TINAG: variants seen among roughly 807,000 people sequenced by gnomAD.
TINAG encodes tubulointerstitial nephritis antigen.
A neutral mutation model predicts 72.7 loss-of-function variants in TINAG; 83 were observed. That is an observed-to-expected ratio of 1.14 (90% CI 0.96 to 1.37). The LOEUF is 1.37. TINAG is among the 40% of genes most tolerant of loss of function. The probability of loss-of-function intolerance (pLI) is 0.00; values close to 1 mark genes in which losing one functional copy is unlikely to be tolerated. For synonymous variants in TINAG, 234 were observed against 189.9 expected (o/e 1.23, Z -1.91); for missense variants, 685 against 576.6 (o/e 1.19, Z -1.93).
intron 4 of TINAG, among the ~76,000 whole-genome samples, chr6:54,342,906 T>A (rs530903242): frequency 6.6e-6 from 1 of 152,320 alleles, no homozygotes; most frequent in East Asian, 1.9e-4. Context: ...AATAACACCA[T>A]GTGGTCTTCC....
At chr6:54,363,630 A>AC (rs1303144109) in intron 9 of TINAG, among the ~76,000 whole-genome samples, 2 of 150,686 alleles carry the variant, frequency 1.3e-5, no homozygotes, top group African/African-American at 2.5e-5. Context: ...AAAAAAAAAA[A>AC]AAAAACAGGC....
intron 9 of TINAG, among the ~76,000 whole-genome samples, chr6:54,359,703 A>G (rs1763163335): frequency 2.6e-5 from 4 of 151,974 alleles, no homozygotes; most frequent in African/African-American, 7.2e-5. Context: ...TAGTAGGCAA[A>G]TTAGTTTTGG....
intron 9 of TINAG, among the ~76,000 whole-genome samples, chr6:54,355,816 T>C (rs1393266896): frequency 6.6e-6 from 1 of 150,408 alleles, no homozygotes; most frequent in Non-Finnish European, 1.5e-5. Context: ...TTAATGAATC[T>C]CCTAGATATA....
intron 9 of TINAG, among the ~76,000 whole-genome samples, chr6:54,356,047 G>A (rs1021596254): frequency 2.6e-5 from 4 of 151,608 alleles, no homozygotes; most frequent in African/African-American, 9.7e-5. Flanking sequence ...ATTTTAATAG[G>A]GTTATAAAAC....
chr6:54,373,739 C>T (rs946064796), intron 9 of TINAG, among the ~76,000 whole-genome samples: 3 of 152,058 alleles, frequency 2.0e-5, no homozygotes, highest in Non-Finnish European at 4.4e-5. Context: ...TAGATTTTGC[C>T]TGTAAACCAT....
intron 3 of TINAG, among the ~76,000 whole-genome samples, chr6:54,323,790 C>T (rs1352977529): frequency 1.3e-5 from 2 of 152,032 alleles, no homozygotes; most frequent in African/African-American, 4.8e-5. Context: ...CCCATCTCTA[C>T]CAGAAATACA....
chr6:54,336,913 G>C (rs1202303212), intron 4 of TINAG, among the ~76,000 whole-genome samples: 1 of 151,656 alleles, frequency 6.6e-6, no homozygotes, highest in African/African-American at 2.4e-5. Context: ...TCCTTTCTCG[G>C]TCATCCAATA....
chr6:54,311,892 A>G (rs1784267375), intron 1 of TINAG, among the ~76,000 whole-genome samples: 1 of 152,334 alleles, frequency 6.6e-6, no homozygotes, highest in South Asian at 2.1e-4. Context: ...AAGATAGCTG[A>G]ACTCTGTAAT....
intron 4 of TINAG, among the ~76,000 whole-genome samples, chr6:54,330,730 G>C (rs747503918): frequency 6.6e-6 from 1 of 152,136 alleles, no homozygotes; most frequent in African/African-American, 2.4e-5. Context: ...AAGAAGAAAA[G>C]AGAGAAGAAC....
Position 54,361,369 on chromosome 6 carries a change from A to G in TINAG, c.1250+6733A>G, listed in dbSNP as rs13203528. Reference sequence around the variant, plus strand: ...TAGTTCCACAGGCTGTGCAGGAGGTATGACTGGAGAGGTTTCAGGAAACTT... The same window carrying G: ...TAGTTCCACAGGCTGTGCAGGAGGTGTGACTGGAGAGGTTTCAGGAAACTT... On this transcript the variant is annotated intron_variant, in intron 9 of 10. Transcript: ENST00000259782. 9.6e-3 allele frequency among the ~76,000 whole-genome samples: 1,459 copies of G among 151,832 alleles called. 10 individuals carry two copies. Among genetic ancestry groups the G allele is most frequent in the Middle Eastern group, 0.044 (13 of 294 alleles).
chr6:54,342,840 A>C (rs10484641), intron 4 of TINAG, among the ~76,000 whole-genome samples: 3,721 of 152,258 alleles, frequency 0.024, 96 homozygotes, highest in East Asian at 0.053. Context: ...GAATCACATA[A>C]ACTCTTTAAA....
chr6:54,357,039 CTT>C (rs1763069437), intron 9 of TINAG, among the ~76,000 whole-genome samples: 1 of 151,826 alleles, frequency 6.6e-6, no homozygotes, highest in South Asian at 2.1e-4. Flanking sequence ...TCTTTCCAAT[CTT>C]TCTTAAACTG....
At chr6:54,347,343 T>C (rs566721740) in intron 5 of TINAG, 24 bp from the exon 6 acceptor site, 4 of 1,610,096 alleles carry the variant, frequency 2.5e-6, no homozygotes, top group African/African-American at 1.3e-5. Flanking sequence ...ATTTCAATAT[T>C]AATTGATATT....
chr6:54,376,549 A>T (rs1460955002), intron 9 of TINAG, among the ~76,000 whole-genome samples: 2 of 152,178 alleles, frequency 1.3e-5, no homozygotes, highest in Non-Finnish European at 2.9e-5. Context: ...AAAGAAAAAA[A>T]TATCATTTAA....
chr6:54,310,076 C>CGTGCGTGTGTGT (rs1784204202), intron 1 of TINAG, among the ~76,000 whole-genome samples: 2 of 127,650 alleles, frequency 1.6e-5, no homozygotes, highest in African/African-American at 6.2e-5. Flanking sequence ...CTTTTTTTTC[C>CGTGCGTGTGTGT]GTGTGTGTGT....
intron 4 of TINAG, among the ~76,000 whole-genome samples, chr6:54,333,102 G>A (rs568736465): frequency 6.6e-6 from 1 of 152,212 alleles, no homozygotes; most frequent in South Asian, 2.1e-4. Context: ...ATTTGATTCA[G>A]CAATCTCATT....
At chr6:54,370,236 T>C (rs1763562724) in intron 9 of TINAG, among the ~76,000 whole-genome samples, 1 of 152,116 alleles carries the variant, frequency 6.6e-6, no homozygotes, top group South Asian at 2.1e-4. Flanking sequence ...TATGCCCACC[T>C]TAAGTCCTGA....
In TINAG at chr6:54,321,412, T is replaced by C. The variant is rs74654794; in HGVS notation, c.509+26T>C. The stretch of plus-strand genomic sequence containing the variant: ...GTGAGAGAAATCTTGCTTTGTATGT[T>C]TCTTGACACTGCCATTTACTATGCA... On this transcript the variant is annotated intron_variant, in intron 3 of 10. Coordinates refer to ENST00000259782, the MANE Select transcript of TINAG (RefSeq NM_014464.4). 2,460 of 1,480,568 alleles carry C rather than the reference T, an allele frequency of 1.7e-3. 26 individuals are homozygous for C. The African/African-American group carries it at 0.023, about 14-fold the overall frequency. 91.7% of individuals were successfully genotyped at this position (1,480,568 alleles called of 1,614,324 possible).
At chr6:54,312,144 C>A (rs998634972) in intron 1 of TINAG, among the ~76,000 whole-genome samples, 35 of 152,042 alleles carry the variant, frequency 2.3e-4, no homozygotes, top group Admixed American at 2.2e-3. Context: ...GCAGCCTCGA[C>A]CTTCCCCGGG....
Sources: gnomAD v4.1 joint callset for allele counts (sites outside exome capture counted in the v4.1 genomes callset) on GRCh38, gnomAD v4.1.1 for gene constraint, MANE v1.5 for transcripts, NCBI Gene and HGNC (gene_info 2026-07-23, HGNC 2026-07-21) for gene names.